The following FHIT variants were observed in gnomAD, a reference collection of about 807,000 sequenced individuals.
FHIT encodes the protein bis(5'-adenosyl)-triphosphatase.
FHIT carries 19 observed loss-of-function variants against 17.9 expected under a neutral mutation model. That is an observed-to-expected ratio of 1.06 (90% CI 0.74 to 1.56). The LOEUF (loss-of-function observed/expected upper bound fraction) is 1.56. Ranked by LOEUF, FHIT falls within the 40% of genes most tolerant of loss-of-function variation. The pLI is 0.00. For synonymous variants in FHIT, 81 were observed against 69.7 expected, an observed-to-expected ratio of 1.16 and a Z score of -0.81; for missense variants, 248 against 189.2, an observed-to-expected ratio of 1.31 and a Z score of -1.82.
intron 2 of FHIT, among the ~76,000 whole-genome samples, chr3:61,157,113 C>A (rs576518772): frequency 6.6e-6 from 1 of 152,076 alleles, no homozygotes; most frequent in Admixed American, 6.6e-5. Context: ...AAATACCATA[C>A]GACAACAGAG....
intron 5 of FHIT, among the ~76,000 whole-genome samples, chr3:60,060,636 T>G (rs889094412): frequency 1.3e-5 from 2 of 152,190 alleles, no homozygotes; most frequent in Non-Finnish European, 2.9e-5. Flanking sequence ...AGCAGCTTAG[T>G]AGGAGAAAAA....
chr3:60,122,756 G>T (rs111258590), intron 5 of FHIT, among the ~76,000 whole-genome samples: 1 of 152,170 alleles, frequency 6.6e-6, no homozygotes, highest in Non-Finnish European at 1.5e-5. Context: ...GAGGCAGCTT[G>T]TTACAATTTA....
intron 4 of FHIT, among the ~76,000 whole-genome samples, chr3:60,556,097 A>T (rs1273508499): frequency 6.6e-6 from 1 of 152,154 alleles, no homozygotes; most frequent in African/African-American, 2.4e-5. Flanking sequence ...CTAATTGGTC[A>T]TTTTCTTATA....
At chr3:60,506,967 A>G (rs568547363) in intron 5 of FHIT, among the ~76,000 whole-genome samples, 2 of 152,340 alleles carry the variant, frequency 1.3e-5, no homozygotes, top group South Asian at 4.1e-4. Context: ...TGTGTAAAAC[A>G]TAGTGCTGAA....
At chr3:61,176,980 C>G (rs1199047197) in intron 2 of FHIT, among the ~76,000 whole-genome samples, 3 of 152,242 alleles carry the variant, frequency 2.0e-5, no homozygotes, top group African/African-American at 7.2e-5. Context: ...TCGAGACCAT[C>G]CTGGCTAACA....
At chr3:60,026,812 G>C (rs895961811) in intron 5 of FHIT, among the ~76,000 whole-genome samples, 1 of 152,028 alleles carries the variant, frequency 6.6e-6, no homozygotes, top group Admixed American at 6.6e-5. Flanking sequence ...TAAATTAGTA[G>C]ATCTGGCCAG....
chr3:59,911,049 T>C (rs938722525), intron 8 of FHIT, among the ~76,000 whole-genome samples: 9 of 152,334 alleles, frequency 5.9e-5, no homozygotes, highest in African/African-American at 2.2e-4. Context: ...CTCTCCAGTT[T>C]CCCATTTTTA....
intron 3 of FHIT, among the ~76,000 whole-genome samples, chr3:60,864,833 C>A (rs1270952102): frequency 4.0e-5 from 6 of 151,860 alleles, no homozygotes; most frequent in African/African-American, 1.5e-4. Context: ...CTTATTAATA[C>A]AACTTAGAAA....
intron 2 of FHIT, among the ~76,000 whole-genome samples, chr3:61,043,894 C>T (rs982480205): frequency 6.6e-6 from 1 of 152,160 alleles, no homozygotes; most frequent in African/African-American, 2.4e-5. Flanking sequence ...CAGCAAACTC[C>T]AAAAGACCTG....
At chr3:60,437,377 A>T (rs983735562) in intron 5 of FHIT, among the ~76,000 whole-genome samples, 1 of 152,114 alleles carries the variant, frequency 6.6e-6, no homozygotes, top group South Asian at 2.1e-4. Context: ...AATTCTCTCT[A>T]TATGTTCTTA....
intron 5 of FHIT, among the ~76,000 whole-genome samples, chr3:60,145,655 T>C (rs1432582058): frequency 1.3e-5 from 2 of 152,196 alleles, no homozygotes; most frequent in African/African-American, 2.4e-5. Flanking sequence ...TGGTCCTAGC[T>C]GACATACCAG....
intron 1 of FHIT, among the ~76,000 whole-genome samples, chr3:61,245,349 C>T (rs1358829562): frequency 6.6e-6 from 1 of 152,178 alleles, no homozygotes; most frequent in Non-Finnish European, 1.5e-5. Context: ...CCCAGAGTCA[C>T]ACACATAGAA....
chr3:59,885,229 C>T (rs1358581199), intron 8 of FHIT, among the ~76,000 whole-genome samples: 1 of 152,144 alleles, frequency 6.6e-6, no homozygotes, highest in African/African-American at 2.4e-5. Flanking sequence ...GAGCATTGGG[C>T]TCAGCCACTG....
chr3:59,976,208 G>A (rs1455925014), intron 7 of FHIT, among the ~76,000 whole-genome samples: 1 of 152,078 alleles, frequency 6.6e-6, no homozygotes, highest in Non-Finnish European at 1.5e-5. Flanking sequence ...ATAAACAGAA[G>A]TAGCATTCAA....
intron 3 of FHIT, among the ~76,000 whole-genome samples, chr3:60,931,404 C>G (rs1021908548): frequency 1.3e-5 from 2 of 152,128 alleles, no homozygotes; most frequent in African/African-American, 4.8e-5. Flanking sequence ...CACATATTTA[C>G]GTATTCATGT....
At chr3:60,529,086 G>C (rs1429524244) in intron 5 of FHIT, among the ~76,000 whole-genome samples, 1 of 152,180 alleles carries the variant, frequency 6.6e-6, no homozygotes, top group African/African-American at 2.4e-5. Context: ...AACTACTTCA[G>C]ATATCTGGTA....
In FHIT at chr3:60,506,989, G is replaced by GA. The variant is rs889580317; in HGVS notation, c.103+29870dup. 6.9e-4 allele frequency among the ~76,000 whole-genome samples: 105 copies of GA among 151,940 alleles called. 1 individual carries two copies. Among genetic ancestry groups the GA allele is most frequent in the Admixed American group, 1.6e-3 (24 of 15,248 alleles). On this transcript the variant is annotated intron_variant, in intron 5 of 9. Coordinates refer to ENST00000492590, the MANE Select transcript of FHIT (RefSeq NM_002012.4). ...AACATAGTGCTGAAGTTACTATAGT[G>GA]AAAAAAAAGCATATACTGCCCCTGC...
chr3:60,260,660 C>T lies in FHIT; in HGVS notation c.104-246508G>A, dbSNP rs9881503. Among the ~76,000 whole-genome samples, 315 of 151,972 alleles carry T rather than the reference C, an allele frequency of 2.1e-3. 1 individual carries two copies. Among genetic ancestry groups the T allele is most frequent in the Non-Finnish European group, 3.1e-3 (208 of 67,932 alleles). ...ACCAGAGCAACTCTATCTTGAATAGCGGCTGGGTAAAATAAGGCTGAGACC... is the reference window on the plus strand; with the variant it reads ...ACCAGAGCAACTCTATCTTGAATAGTGGCTGGGTAAAATAAGGCTGAGACC... On this transcript the variant is annotated intron_variant, in intron 5 of 9. Coordinates refer to ENST00000492590, the MANE Select transcript of FHIT (RefSeq NM_002012.4).
chr3:59,989,720 G>A lies in FHIT; in HGVS notation c.279+21651C>T, dbSNP rs776910996. Reference sequence around the variant, plus strand: ...TCATAGGGAGTCATTCTCAGGGAACGTGAAGCTTCCTCCCCATCACCCTGA... The same window carrying A: ...TCATAGGGAGTCATTCTCAGGGAACATGAAGCTTCCTCCCCATCACCCTGA... On this transcript the variant is annotated intron_variant, in intron 7 of 9. Coordinates refer to ENST00000492590, the MANE Select transcript of FHIT (RefSeq NM_002012.4). 3.3e-5 allele frequency among the ~76,000 whole-genome samples: 5 copies of A among 152,086 alleles called. No homozygotes were observed. In the South Asian group the frequency reaches 8.3e-4, roughly 25 times the overall value.
Sources: gnomAD v4.1 joint callset for allele counts (sites outside exome capture counted in the v4.1 genomes callset) on GRCh38, gnomAD v4.1.1 for gene constraint, MANE v1.5 for transcripts, NCBI Gene and HGNC (gene_info 2026-07-23, HGNC 2026-07-21) for gene names.